The following DPM1 variants were observed in gnomAD, a reference collection of about 807,000 sequenced individuals.
The protein encoded by DPM1 is dolichol-phosphate mannosyltransferase subunit 1.
DPM1 carries 27 observed loss-of-function variants against 39.0 expected under a neutral mutation model. The observed-to-expected ratio is 0.69, with a 90% CI of 0.51 to 0.95. The LOEUF (loss-of-function observed/expected upper bound fraction) is 0.95, where lower values mean the gene tolerates loss of function less well. Among genes scored for constraint, DPM1 ranks in the 40% least tolerant of loss-of-function variants. The probability of loss-of-function intolerance (pLI) is 0.00; values close to 1 mark genes in which losing one functional copy is unlikely to be tolerated. For missense variants in DPM1, 307 were observed against 315.6 expected, an observed-to-expected ratio of 0.97 and a Z score of 0.21; for synonymous variants, 124 against 109.0, an observed-to-expected ratio of 1.14 and a Z score of -0.86.
intron 1 of DPM1, among the ~76,000 whole-genome samples, chr20:50,957,155 A>G (rs181314590): frequency 6.6e-6 from 1 of 152,326 alleles, no homozygotes; most frequent in Non-Finnish European, 1.5e-5. Context: ...TAAAACTCTG[A>G]GGGGCAAGGC....
At chr20:50,936,638 G>A (rs1178216814) in intron 7 of DPM1, among the ~76,000 whole-genome samples, 1 of 152,164 alleles carries the variant, frequency 6.6e-6, no homozygotes, top group Non-Finnish European at 1.5e-5. Flanking sequence ...GAACAACAGG[G>A]TGGACAGATG....
intron 1 of DPM1, among the ~76,000 whole-genome samples, chr20:50,957,206 A>C (rs1340333859): frequency 6.6e-6 from 1 of 152,248 alleles, no homozygotes; most frequent in Non-Finnish European, 1.5e-5. Context: ...TCAAAACAGC[A>C]ATGGTTTTCA....
chr20:50,950,803 G>C (rs532000253), intron 2 of DPM1, among the ~76,000 whole-genome samples: 1 of 152,238 alleles, frequency 6.6e-6, no homozygotes, highest in South Asian at 2.1e-4. Context: ...CCGGGAAGTA[G>C]AGGTTGCATG....
intron 2 of DPM1, among the ~76,000 whole-genome samples, chr20:50,954,040 G>C (rs1986711232): frequency 6.6e-6 from 1 of 152,030 alleles, no homozygotes; most frequent in Non-Finnish European, 1.5e-5. Context: ...AGAATTCCTA[G>C]AACTACATTT....
intron 5 of DPM1, among the ~76,000 whole-genome samples, chr20:50,945,287 TG>T (rs1568767372): frequency 2.4e-5 from 1 of 42,534 alleles, no homozygotes; most frequent in Non-Finnish European, 3.9e-5. Flanking sequence ...ATGTGTGTTG[TG>T]TGTGTGTGTG....
intron 7 of DPM1, 117 bp downstream of exon 7, chr20:50,940,748 C>G: frequency 1.1e-6 from 1 of 882,914 alleles, no homozygotes; most frequent in Non-Finnish European, 1.9e-6. Context: ...TTTAGTCTGC[C>G]TTTTTAGTAT....
chr20:50,947,132 C>T (rs973887039), intron 3 of DPM1, among the ~76,000 whole-genome samples: 3 of 152,194 alleles, frequency 2.0e-5, no homozygotes, highest in Non-Finnish European at 4.4e-5. Context: ...CGCTTGAACC[C>T]GGGAGGCAGA....
At chr20:50,945,494 T>C (rs1466044980) in intron 5 of DPM1, among the ~76,000 whole-genome samples, 2 of 152,082 alleles carry the variant, frequency 1.3e-5, no homozygotes, top group Non-Finnish European at 1.5e-5. Context: ...GCGCATGCCA[T>C]TGTGTCTGGC....
intron 3 of DPM1, among the ~76,000 whole-genome samples, chr20:50,946,681 G>T (rs1309020416): frequency 1.3e-5 from 2 of 152,234 alleles, no homozygotes; most frequent in Non-Finnish European, 2.9e-5. Context: ...AGGGTAACTT[G>T]TTAGGAGCAG....
At chr20:50,957,002 TA>T (rs1048812194) in intron 1 of DPM1, among the ~76,000 whole-genome samples, 2 of 149,806 alleles carry the variant, frequency 1.3e-5, no homozygotes, top group Non-Finnish European at 3.0e-5. Flanking sequence ...TTGTACTACA[TA>T]AAAAAATTAA....
intron 2 of DPM1, among the ~76,000 whole-genome samples, chr20:50,949,033 G>A (rs1024080822): frequency 6.6e-6 from 1 of 151,950 alleles, no homozygotes; most frequent in Non-Finnish European, 1.5e-5. Context: ...GCTAATTTTC[G>A]TATTTTTAGT....
At chr20:50,954,001 T>C (rs1986709390) in intron 2 of DPM1, among the ~76,000 whole-genome samples, 1 of 152,230 alleles carries the variant, frequency 6.6e-6, no homozygotes, top group Non-Finnish European at 1.5e-5. Flanking sequence ...GTGACAGACC[T>C]GAGTTACTCA....
chr20:50,951,217 G>C (rs1986557996), intron 2 of DPM1, among the ~76,000 whole-genome samples: 1 of 152,160 alleles, frequency 6.6e-6, no homozygotes, highest in African/African-American at 2.4e-5. Flanking sequence ...TGGACAAGGA[G>C]ACTATGATAC....
In DPM1 at chr20:50,958,475, G is replaced by C. The variant is rs761143591; in HGVS notation, c.49C>G (p.Leu17Val). ...SRSPRRSRRE[L>V]EVRSPRQNKY... ...TTCTGTCGTGGACTGCGCACTTCCA[G>C]CTCCCGCCGAGACCTGCGAGGACTA... The change falls in exon 1 of 9, where the codon CTG becomes GTG. Residue 17 changes from leucine to valine, a missense_variant. Physicochemically the swap from Leu to Val is conservative, Grantham distance 32. This residue lies in a region of DPM1 where 206 missense variants were observed against 188.2 expected (regional missense o/e 1.09). Transcript: ENST00000371588. 30 of 1,613,878 alleles carry C rather than the reference G, an allele frequency of 1.9e-5. No individual in the cohort carries two copies. The highest frequency in any genetic ancestry group is 1.8e-4 in the South Asian group (16 of 91,082).
chr20:50,942,367 G>A (rs1369862637), intron 5 of DPM1, among the ~76,000 whole-genome samples: 2 of 152,096 alleles, frequency 1.3e-5, no homozygotes, highest in Admixed American at 6.6e-5. Flanking sequence ...TTAGCCTGGC[G>A]CGGTGGCGGG....
At position 50,945,876 on chromosome 20, in the gene DPM1, T is replaced by A; in HGVS notation, c.343A>T (p.Ile115Phe). The A allele has an allele frequency of 6.2e-7, 1 of 1,613,634 alleles. No homozygotes were observed. Among genetic ancestry groups the A allele is most frequent in the South Asian group, 1.1e-5 (1 of 91,080 alleles). The part of the protein sequence containing the change: ...GMKHATGNYI[I>F]IMDADLSHHP... ...TGTGAGAGATCAGCATCCATAATAA[T>A]GATGTAGTTTCCTGTGGCATGTTTC... The change falls in exon 4 of 9, where the codon ATT becomes TTT. Residue 115 changes from isoleucine (I) to phenylalanine (F), a missense_variant. Ile to Phe is a conservative substitution (Grantham distance 21, BLOSUM62 0). This residue lies in a region of DPM1 where 206 missense variants were observed against 188.2 expected (regional missense o/e 1.09). Coordinates refer to ENST00000371588, the MANE Select transcript of DPM1 (RefSeq NM_003859.3).
intron 2 of DPM1, among the ~76,000 whole-genome samples, chr20:50,950,929 A>T (rs1348369319): frequency 6.6e-6 from 1 of 152,164 alleles, no homozygotes; most frequent in Non-Finnish European, 1.5e-5. Flanking sequence ...ACACCCCCTT[A>T]ACCCCAAGTG....
At chr20:50,950,651 T>G (rs1223908744) in intron 2 of DPM1, among the ~76,000 whole-genome samples, 3 of 152,086 alleles carry the variant, frequency 2.0e-5, no homozygotes, top group Non-Finnish European at 4.4e-5. Context: ...GGTGAATCAT[T>G]TGAGGTCAGG....
intron 2 of DPM1, among the ~76,000 whole-genome samples, chr20:50,952,365 C>G (rs904530841): frequency 1.3e-5 from 2 of 152,128 alleles, no homozygotes; most frequent in African/African-American, 4.8e-5. Context: ...GTTTTATAAA[C>G]TGCTTTATAC....
Sources: allele counts gnomAD v4.1 joint callset (sites outside exome capture counted in the v4.1 genomes callset), GRCh38; gene constraint gnomAD v4.1.1; regional missense constraint gnomAD v4.1.1; transcripts MANE v1.5; gene names NCBI Gene and HGNC (gene_info 2026-07-23, HGNC 2026-07-21).